The following SPATA16 variants were observed in gnomAD, a reference collection of about 807,000 sequenced individuals.
SPATA16 encodes the protein spermatogenesis-associated protein 16.
SPATA16 carries 36 observed loss-of-function variants against 63.3 expected under a neutral mutation model. The observed-to-expected ratio is 0.57, with a 90% CI of 0.44 to 0.75. The LOEUF is 0.75. Among genes scored for constraint, SPATA16 ranks in the 30% least tolerant of loss-of-function variants. SPATA16 has a pLI of 0.00. For missense variants in SPATA16, 646 were observed against 679.3 expected, an observed-to-expected ratio of 0.95 and a Z score of 0.54; for synonymous variants, 203 against 216.7, an observed-to-expected ratio of 0.94 and a Z score of 0.56.
At chr3:173,099,043 C>T (rs1319471978) in intron 2 of SPATA16, among the ~76,000 whole-genome samples, 1 of 152,158 alleles carries the variant, frequency 6.6e-6, no homozygotes, top group Non-Finnish European at 1.5e-5. Context: ...CATATCCAAC[C>T]ATTGACTTTG....
At chr3:172,973,214 T>C (rs754816817) in intron 5 of SPATA16, among the ~76,000 whole-genome samples, 4 of 152,194 alleles carry the variant, frequency 2.6e-5, no homozygotes, top group South Asian at 4.1e-4. Flanking sequence ...TCTGACTGTG[T>C]ATAGGAGATC....
At chr3:172,973,541 C>G (rs1734091359) in intron 5 of SPATA16, among the ~76,000 whole-genome samples, 1 of 152,084 alleles carries the variant, frequency 6.6e-6, no homozygotes, top group Non-Finnish European at 1.5e-5. Context: ...GAGTTAAAGA[C>G]ACACACATGA....
chr3:173,017,400 T>C (rs1735216373), intron 4 of SPATA16, among the ~76,000 whole-genome samples: 1 of 152,224 alleles, frequency 6.6e-6, no homozygotes, highest in Non-Finnish European at 1.5e-5. Context: ...AGGGCAAATA[T>C]TGACAAATTC....
At chr3:173,052,746 G>A (rs1044735937) in intron 2 of SPATA16, among the ~76,000 whole-genome samples, 2 of 152,314 alleles carry the variant, frequency 1.3e-5, no homozygotes, top group Admixed American at 6.5e-5. Context: ...GTGTGAATTT[G>A]TTTAAATCTA....
At chr3:173,083,925 T>G (rs946157354) in intron 2 of SPATA16, among the ~76,000 whole-genome samples, 1 of 152,170 alleles carries the variant, frequency 6.6e-6, no homozygotes, top group Non-Finnish European at 1.5e-5. Context: ...GTCTTTGCTA[T>G]TGTGAATAGC....
Position 172,956,777 on chromosome 3 carries a change from C to G in SPATA16, c.981G>C (p.Met327Ile). ...TTATTTTTGTCGCAAATGGTGTGTACATAACCGAGAAAGATTCAGCTCTGG... is the reference window on the plus strand; with the variant it reads ...TTATTTTTGTCGCAAATGGTGTGTAGATAACCGAGAAAGATTCAGCTCTGG... ...AITRAESFSV[M>I]YTPFATKIRA... Residue 327 changes from methionine to isoleucine, a missense_variant, in exon 6 of 11, where the codon ATG becomes ATC. Coordinates refer to ENST00000351008, the MANE Select transcript of SPATA16 (RefSeq NM_031955.6). The G allele has an allele frequency of 6.2e-7, 1 of 1,613,256 alleles. No homozygotes were observed. The highest frequency in any genetic ancestry group is 8.5e-7 in the Non-Finnish European group (1 of 1,179,548).
chr3:173,030,020 A>C (rs192556542), intron 3 of SPATA16, among the ~76,000 whole-genome samples: 1 of 152,146 alleles, frequency 6.6e-6, no homozygotes. Context: ...CAGGTAAGTG[A>C]CAGGATGCCT....
At chr3:172,895,223 C>G (rs1731982378) in intron 10 of SPATA16, among the ~76,000 whole-genome samples, 1 of 152,200 alleles carries the variant, frequency 6.6e-6, no homozygotes, top group South Asian at 2.1e-4. Flanking sequence ...CGGAACAGTT[C>G]CATTACCACA....
intron 4 of SPATA16, among the ~76,000 whole-genome samples, chr3:173,009,061 A>G (rs1337232511): frequency 6.6e-6 from 1 of 152,234 alleles, no homozygotes; most frequent in Non-Finnish European, 1.5e-5. Context: ...TTCATAGATA[A>G]GACCACTTCA....
chr3:173,067,652 C>T (rs1736555336), intron 2 of SPATA16, among the ~76,000 whole-genome samples: 1 of 152,060 alleles, frequency 6.6e-6, no homozygotes, highest in African/African-American at 2.4e-5. Context: ...CTAAGAGTTA[C>T]TGGCCTTGAA....
intron 3 of SPATA16, among the ~76,000 whole-genome samples, chr3:173,026,571 A>G (rs1260205905): frequency 1.3e-5 from 2 of 151,992 alleles, no homozygotes; most frequent in Admixed American, 1.3e-4. Context: ...TAGTTTTAAC[A>G]GTTATAAACT....
chr3:172,955,720 G>T (rs1733578041), intron 6 of SPATA16, among the ~76,000 whole-genome samples: 1 of 152,154 alleles, frequency 6.6e-6, no homozygotes, highest in African/African-American at 2.4e-5. Flanking sequence ...AGTGTAGCTT[G>T]ATGGCATGTT....
chr3:173,112,351 T>C (rs1029336182), intron 2 of SPATA16, among the ~76,000 whole-genome samples: 2 of 152,224 alleles, frequency 1.3e-5, no homozygotes, highest in African/African-American at 4.8e-5. Flanking sequence ...ACAAGGACCA[T>C]CTGGAATTTG....
chr3:173,051,346 G>A (rs1401229377), intron 2 of SPATA16, among the ~76,000 whole-genome samples: 2 of 152,154 alleles, frequency 1.3e-5, no homozygotes, highest in Non-Finnish European at 2.9e-5. Context: ...GGGATTACAG[G>A]CAAGTGCCAC....
intron 6 of SPATA16, among the ~76,000 whole-genome samples, chr3:172,945,305 A>C: frequency 6.6e-6 from 1 of 152,092 alleles, no homozygotes; most frequent in African/African-American, 2.4e-5. Context: ...AGATTTTTCT[A>C]AGAACATCAA....
chr3:172,929,427 A>G (rs1732816611), intron 6 of SPATA16, among the ~76,000 whole-genome samples: 1 of 152,216 alleles, frequency 6.6e-6, no homozygotes, highest in African/African-American at 2.4e-5. Context: ...TCCCTTCTTC[A>G]GAAATATTTT....
intron 10 of SPATA16, among the ~76,000 whole-genome samples, chr3:172,911,126 C>A (rs922284780): frequency 6.6e-6 from 1 of 152,190 alleles, no homozygotes; most frequent in Non-Finnish European, 1.5e-5. Flanking sequence ...CTTTAGGGTT[C>A]CTGGGAGTAT....
intron 5 of SPATA16, among the ~76,000 whole-genome samples, chr3:172,967,447 G>T (rs1191256250): frequency 6.6e-6 from 1 of 152,124 alleles, no homozygotes; most frequent in Non-Finnish European, 1.5e-5. Context: ...TAATTGTCTT[G>T]CTTTTTATGA....
rs375289385 is a variant in SPATA16, at chr3:173,021,780, T to C, written c.759-2205A>G. 9.9e-4 allele frequency among the ~76,000 whole-genome samples: 150 copies of C among 151,706 alleles called. 2 individuals are homozygous for C. In the East Asian group the frequency reaches 0.022, roughly 22 times the overall value. ...TTTATTTATTTATTTCATCCACAAGTCTATGAGGTGTACTCCCTATTACTT... is the reference window on the plus strand; with the variant it reads ...TTTATTTATTTATTTCATCCACAAGCCTATGAGGTGTACTCCCTATTACTT... On this transcript the variant is annotated intron_variant, in intron 3 of 10. Transcript: ENST00000351008.
Sources: gnomAD v4.1 joint callset for allele counts (sites outside exome capture counted in the v4.1 genomes callset) on GRCh38, gnomAD v4.1.1 for gene constraint, MANE v1.5 for transcripts, NCBI Gene and HGNC (gene_info 2026-07-23, HGNC 2026-07-21) for gene names.